The following IKZF4 variants were observed in gnomAD, a reference collection of about 807,000 sequenced individuals.
IKZF4 encodes IKAROS family zinc finger 4.
A neutral mutation model predicts 47.7 loss-of-function variants in IKZF4; 11 were observed. The ratio of observed to expected loss-of-function variants is 0.23; its 90% confidence interval spans 0.15 to 0.38. IKZF4 has a LOEUF of 0.38. IKZF4 is among the 10% of genes least tolerant of loss of function. IKZF4 has a pLI of 1.00. For synonymous variants in IKZF4, 298 were observed against 299.4 expected (o/e 1.00, Z 0.05); for missense variants, 557 against 784.9 (o/e 0.71, Z 3.47).
Position 56,021,585 on chromosome 12 carries a change from G to A in IKZF4, c.87+5G>A, listed in dbSNP as rs1185068348. 1.3e-6 allele frequency: 2 copies of A among 1,599,714 alleles called. No individual in the cohort carries two copies. Among genetic ancestry groups the A allele is most frequent in the South Asian group, 2.3e-5 (2 of 88,416 alleles). ...CACCGGCAAGGGAAGGATAATGTAA[G>A]TTCAGGCAGAAGGCGGCTAGTGGAG... On this transcript the variant is annotated splice_donor_5th_base_variant and intron_variant, in intron 1 of 7. Coordinates refer to ENST00000547167, the MANE Select transcript of IKZF4 (RefSeq NM_022465.4).
upstream of IKZF4, among the ~76,000 whole-genome samples, chr12:56,018,791 T>A (rs1416572634): frequency 2.0e-5 from 3 of 151,816 alleles, no homozygotes; most frequent in African/African-American, 4.8e-5. Flanking sequence ...GTCTCCATTT[T>A]AAAATAATGA....
chr12:56,020,801 AAGG>A (rs1892771949), upstream of IKZF4: 1 of 298,386 alleles, frequency 3.4e-6, no homozygotes, highest in Non-Finnish European at 5.0e-6. Context: ...CACTGCTGGA[AAGG>A]AGGAGGCTGT....
Position 56,025,108 on chromosome 12 carries a change from C to T in IKZF4, c.236C>T (p.Ser79Leu), listed in dbSNP as rs775603661. 5 of 1,603,780 alleles carry T rather than the reference C, an allele frequency of 3.1e-6. No homozygotes were observed. Among genetic ancestry groups the T allele is most frequent in the South Asian group, 2.2e-5 (2 of 89,038 alleles). ...TTCCTCGGGGCCCCAGTGGGGCCCT[C>T]GGTGAGCACCCCCAACAGCCAGCAC... Reference protein sequence around the residue: ...KEFLGAPVGPSVSTPNSQHSS... With the variant: ...KEFLGAPVGPLVSTPNSQHSS... The change falls in exon 3 of 8, where the codon TCG becomes TTG. Residue 79 changes from serine to leucine, a missense_variant. Coordinates refer to ENST00000547167, the MANE Select transcript of IKZF4 (RefSeq NM_022465.4).
chr12:56,034,538 A>C, intron 7 of IKZF4, 33 bp from the exon 8 acceptor site: 7 of 1,554,910 alleles, frequency 4.5e-6, no homozygotes, highest in Non-Finnish European at 6.1e-6. Context: ...GAATTCTCCA[A>C]ACCCAGCCCT....
rs189467655 is a variant in IKZF4, at chr12:56,037,079, G to T, written c.*1748G>T. On this transcript the variant is annotated 3_prime_UTR_variant, in exon 8 of 8. Transcript: ENST00000547167. ...TCACTCCCTATCAGGGATATTTTGG[G>T]GGGGGATGGTAAAGGGTGGGCTAAG... The T allele has an allele frequency of 6.6e-6, 1 of 151,992 alleles. No individual in the cohort carries two copies. Among genetic ancestry groups the T allele is most frequent in the South Asian group, 2.1e-4 (1 of 4,816 alleles). 9.4% of individuals were successfully genotyped at this position (151,992 alleles called of 1,614,324 possible).
In IKZF4 at chr12:56,021,287, C is replaced by T; in HGVS notation, c.-207C>T. 1 of 1,400,886 alleles carries T rather than the reference C, an allele frequency of 7.1e-7. No individual in the cohort carries two copies. The highest frequency in any genetic ancestry group is 9.3e-7 in the Non-Finnish European group (1 of 1,077,272). 86.8% of individuals were successfully genotyped at this position (1,400,886 alleles called of 1,614,324 possible). ...TCTCCTTCTCTCCCTCTCTCTCTCT[C>T]TCTCTCTCACACACACACACACACA... On this transcript the variant is annotated 5_prime_UTR_variant, in exon 1 of 8. Transcript: ENST00000547167.
intron 1 of IKZF4, among the ~76,000 whole-genome samples, chr12:56,022,831 G>A (rs1285477680): frequency 3.0e-5 from 4 of 132,680 alleles, no homozygotes; most frequent in African/African-American, 8.7e-5. Context: ...ACGGAGTCTC[G>A]CTCTGTCGCC....
upstream of IKZF4, among the ~76,000 whole-genome samples, chr12:56,017,054 C>T (rs1186613725): frequency 1.3e-5 from 2 of 151,926 alleles, no homozygotes; most frequent in Non-Finnish European, 2.9e-5. Flanking sequence ...TGTAAATTTC[C>T]ACCAGATAGA....
upstream of IKZF4, among the ~76,000 whole-genome samples, chr12:56,017,725 C>T (rs147262552): frequency 3.2e-4 from 49 of 152,248 alleles, no homozygotes; most frequent in African/African-American, 9.9e-4. Flanking sequence ...GGGTCTCGCT[C>T]GGTTACCCAG....
chr12:56,035,679 T>C lies in IKZF4; in HGVS notation c.*348T>C, dbSNP rs1895579788. ...TCCTGTCCACAACTCCTTTCCACTT[T>C]AGGCCAATTTTTCTCTCTTAGATCT... is the stretch of plus-strand genomic sequence containing the variant. On this transcript the variant is annotated 3_prime_UTR_variant, in exon 8 of 8. Coordinates refer to ENST00000547167, the MANE Select transcript of IKZF4 (RefSeq NM_022465.4). The surrounding 1 kb of genome is among the most constrained non-coding windows in gnomAD (Gnocchi z 6.1). 1 of 193,594 alleles carries C rather than the reference T, an allele frequency of 5.2e-6. No homozygotes were observed. The highest frequency in any genetic ancestry group is 1.1e-5 in the Non-Finnish European group (1 of 93,700). The allele number at this position is 193,594 out of a possible 1,614,324, so 12.0% of individuals were successfully genotyped here.
intron 1 of IKZF4, chr12:56,021,915 G>A: frequency 2.8e-6 from 1 of 359,406 alleles, no homozygotes; most frequent in Non-Finnish European, 5.2e-6. Flanking sequence ...AAGGGGTAGT[G>A]GAGAAAATCA....
chr12:56,035,287 G>A lies in IKZF4; in HGVS notation c.1714G>A (p.Glu572Lys). 6.2e-7 allele frequency: 1 copy of A among 1,613,812 alleles called. No homozygotes were observed. Among genetic ancestry groups the A allele is most frequent in the Non-Finnish European group, 8.5e-7 (1 of 1,179,802 alleles). The stretch of plus-strand genomic sequence containing the variant: ...TGGTTATCACAGCCAGGACCGGTAC[G>A]AATTCTCTTCCCACATTGTCCGGGG... ...ICGYHSQDRY[E>K]FSSHIVRGEH... Residue 572 changes from glutamate (E) to lysine (K), a missense_variant, in exon 8 of 8, where the codon GAA becomes AAA. By Grantham distance (56) the Glu-to-Lys change is moderately conservative (BLOSUM62 1). Around this residue, in one of 6 missense-constraint regions of IKZF4, gnomAD observed 22 missense variants for 65.2 expected, o/e 0.34. Coordinates refer to ENST00000547167, the MANE Select transcript of IKZF4 (RefSeq NM_022465.4). The surrounding 1 kb of genome is among the most constrained non-coding windows in gnomAD (Gnocchi z 6.1).
intron 2 of IKZF4, 127 bp from the exon 3 acceptor site, chr12:56,024,927 A>G (rs1363596381): frequency 6.5e-7 from 1 of 1,527,982 alleles, no homozygotes; most frequent in Non-Finnish European, 8.8e-7. Flanking sequence ...AGCATACAAC[A>G]CTGCTTTGTA....
At chr12:56,014,094 T>A (rs1369939365) in intron 2 of IKZF4, among the ~76,000 whole-genome samples, 1 of 149,214 alleles carries the variant, frequency 6.7e-6, no homozygotes, top group Non-Finnish European at 1.5e-5. Context: ...GAGGTTGCAG[T>A]GAGCTGAGAT....
intron 1 of IKZF4, chr12:56,021,847 G>A: frequency 1.8e-6 from 1 of 551,700 alleles, no homozygotes; most frequent in Non-Finnish European, 3.2e-6. Flanking sequence ...TCTTGATTAG[G>A]CCTTGGGGAT....
intron 1 of IKZF4, among the ~76,000 whole-genome samples, chr12:56,008,210 T>C (rs1303734371): frequency 1.3e-5 from 2 of 152,228 alleles, no homozygotes; most frequent in East Asian, 1.9e-4. Context: ...ATGAGCATAT[T>C]GGGAGAAACA....
At chr12:56,024,576 A>G (rs1893632989) in intron 2 of IKZF4, 2 of 906,068 alleles carry the variant, frequency 2.2e-6, no homozygotes, top group Non-Finnish European at 2.7e-6. Context: ...GCACATAGTA[A>G]GTACTCAATT....
At chr12:56,022,069 A>T (rs974075972) in intron 1 of IKZF4, among the ~76,000 whole-genome samples, 1 of 152,128 alleles carries the variant, frequency 6.6e-6, no homozygotes, top group Non-Finnish European at 1.5e-5. Context: ...GCAGGCTAGG[A>T]TCCTGCCACC....
intron 2 of IKZF4, chr12:56,024,618 AT>A: frequency 5.8e-6 from 6 of 1,033,572 alleles, no homozygotes; most frequent in Non-Finnish European, 7.0e-6. Flanking sequence ...GATTACTAAT[AT>A]TATCATTAGA....
Sources: allele counts gnomAD v4.1 joint callset (sites outside exome capture counted in the v4.1 genomes callset), GRCh38; gene constraint gnomAD v4.1.1; regional missense constraint gnomAD v4.1.1; non-coding constraint Gnocchi (gnomAD v3.1); transcripts MANE v1.5; gene names NCBI Gene and HGNC (gene_info 2026-07-23, HGNC 2026-07-21).